The following ADGRD1 variants were observed in gnomAD, a reference collection of about 807,000 sequenced individuals.
ADGRD1 encodes G-protein coupled receptor 133.
Under a neutral mutation model 113.4 loss-of-function variants are expected in ADGRD1, and 77 were observed. That is an observed-to-expected ratio of 0.68 (90% confidence interval 0.57 to 0.82). The LOEUF (loss-of-function observed/expected upper bound fraction) is 0.82, where lower values mean the gene tolerates loss of function less well. Ranked by LOEUF, ADGRD1 falls within the 40% of genes least tolerant of loss-of-function variation. The probability of loss-of-function intolerance (pLI) is 0.00; values close to 1 mark genes in which losing one functional copy is unlikely to be tolerated. For missense variants in ADGRD1, 1,036 were observed against 1,139.1 expected, an observed-to-expected ratio of 0.91 and a Z score of 1.30; for synonymous variants, 474 against 475.0, an observed-to-expected ratio of 1.00 and a Z score of 0.03.
In ADGRD1 at chr12:131,003,757, G is replaced by A. The variant is rs1256932958; in HGVS notation, c.1145-429G>A. Among the ~76,000 whole-genome samples, 1 of 152,212 alleles carries A rather than the reference G, an allele frequency of 6.6e-6. No individual in the cohort carries two copies. Among genetic ancestry groups the A allele is most frequent in the East Asian group, 1.9e-4 (1 of 5,190 alleles). On this transcript the variant is annotated intron_variant, in intron 10 of 24. Coordinates refer to ENST00000261654, the MANE Select transcript of ADGRD1 (RefSeq NM_198827.5). The surrounding 1 kb of genome is among the most constrained non-coding windows in gnomAD (Gnocchi z 4.8). ...GAGTGCATTATCCTGCTGATACTTC[G>A]CTGCAAGAGCCGAGCTGGGGAAAAT...
chr12:131,018,459 G>T (rs897208399), intron 13 of ADGRD1, among the ~76,000 whole-genome samples: 6 of 151,986 alleles, frequency 3.9e-5, no homozygotes, highest in African/African-American at 1.5e-4. Flanking sequence ...CACCGAGAGG[G>T]TCCACCAGTG....
chr12:131,051,540 G>T (rs1275340318), intron 13 of ADGRD1, among the ~76,000 whole-genome samples: 1 of 151,416 alleles, frequency 6.6e-6, no homozygotes, highest in East Asian at 1.9e-4. Flanking sequence ...CTGGAGGGCA[G>T]TGGCGATATC....
rs989036421 is a variant in ADGRD1 at position 131,050,417 on chromosome 12, A to G, written c.1474-26384A>G. Among the ~76,000 whole-genome samples the G allele has an allele frequency of 3.9e-5, 6 of 152,132 alleles. No individual in the cohort carries two copies. Among genetic ancestry groups the G allele is most frequent in the Non-Finnish European group, 5.9e-5 (4 of 68,020 alleles). ...CCTGTGTGTTAGTCTGTTCATTGCT[A>G]TAAGAAATACCTGAGGCTGGGTAAT... is the stretch of plus-strand genomic sequence containing the variant. On this transcript the variant is annotated intron_variant, in intron 13 of 24. Transcript: ENST00000261654. This position sits in a 1 kb window ranked among gnomAD's most constrained non-coding sequence, Gnocchi z 4.8.
intron 20 of ADGRD1, among the ~76,000 whole-genome samples, chr12:131,130,420 G>A (rs1950884047): frequency 6.6e-6 from 1 of 152,196 alleles, no homozygotes; most frequent in African/African-American, 2.4e-5. Context: ...GGCAGGAGGG[G>A]GCGGCCCCAC....
intron 15 of ADGRD1, among the ~76,000 whole-genome samples, chr12:131,085,619 C>G (rs1197474947): frequency 6.6e-6 from 1 of 152,190 alleles, no homozygotes; most frequent in Admixed American, 6.5e-5. Flanking sequence ...GCTGCTGACA[C>G]TGCACACTGC....
At chr12:130,990,872 C>T (rs1001576691) in intron 6 of ADGRD1, 142 bp from the exon 7 acceptor site, 1 of 603,004 alleles carries the variant, frequency 1.7e-6, no homozygotes, top group East Asian at 3.0e-5. Context: ...CATAATTTAT[C>T]TCCAGCAACA....
rs1234110102 is a variant in ADGRD1, at chr12:130,954,757, G to C, written c.103+97G>C. On this transcript the variant is annotated intron_variant, in intron 2 of 24. Transcript: ENST00000261654. The surrounding 1 kb of genome is among the most constrained non-coding windows in gnomAD (Gnocchi z 4.7). ...ACTTGTTCATCTCTGAGGCATCAGC[G>C]AATGGCCCTTGTTGGGCTCCTGGTC... 8 of 1,204,232 alleles carry C rather than the reference G, an allele frequency of 6.6e-6. No homozygotes were observed. The East Asian group carries it at 1.9e-4, about 28-fold the overall frequency. The allele number at this position is 1,204,232 out of a possible 1,614,324, so 74.6% of individuals were successfully genotyped here.
rs1378924269 is a variant in ADGRD1, at chr12:130,987,304, GCT to G, written c.703_704del (p.Leu235AspfsTer4). On this transcript the variant is annotated frameshift_variant, in exon 6 of 25. Coordinates refer to ENST00000261654, the MANE Select transcript of ADGRD1 (RefSeq NM_198827.5). LOFTEE classifies it high-confidence loss of function. ...CGATGAGTTCATCATCTGGGAGCGGGCTCTGACTCCGGATGAGATCGCCATGT... is the reference window on the plus strand; with the variant it reads ...CGATGAGTTCATCATCTGGGAGCGGGCTGACTCCGGATGAGATCGCCATGT... ...AFDEFIIWER[A>X]LTPDEIAMYF... 1 of 1,614,078 alleles carries G rather than the reference GCT, an allele frequency of 6.2e-7. No homozygotes were observed. Among genetic ancestry groups the G allele is most frequent in the Non-Finnish European group, 8.5e-7 (1 of 1,180,050 alleles).
At chr12:131,056,991 C>T (rs1279126872) in intron 13 of ADGRD1, among the ~76,000 whole-genome samples, 5 of 151,956 alleles carry the variant, frequency 3.3e-5, no homozygotes, top group Non-Finnish European at 5.9e-5. Context: ...TGTTGACATT[C>T]GACAAATAGA....
At chr12:131,132,492 G>A (rs1428234181) in intron 21 of ADGRD1, among the ~76,000 whole-genome samples, 1 of 151,824 alleles carries the variant, frequency 6.6e-6, no homozygotes, top group East Asian at 1.9e-4. Flanking sequence ...GAGCTCAGAA[G>A]CCCTGGCGTT....
At chr12:131,043,538 G>T (rs1346871999) in intron 13 of ADGRD1, among the ~76,000 whole-genome samples, 1 of 152,246 alleles carries the variant, frequency 6.6e-6, no homozygotes, top group East Asian at 1.9e-4. Context: ...CTCCCCTGCA[G>T]GCTGCGTGTG....
At chr12:131,097,945 G>C (rs932608290) in intron 15 of ADGRD1, among the ~76,000 whole-genome samples, 12 of 152,330 alleles carry the variant, frequency 7.9e-5, no homozygotes, top group African/African-American at 2.9e-4. Flanking sequence ...TGCTGCTGGG[G>C]TGGGCGAAGG....
At chr12:130,956,762 C>G (rs76698648) in intron 2 of ADGRD1, 137 of 151,390 alleles carry the variant, frequency 9.0e-4, no homozygotes, top group African/African-American at 3.3e-3. Flanking sequence ...AGAGCCCACA[C>G]GCATTCTCAC....
At chr12:131,072,652 T>C (rs905922531) in intron 13 of ADGRD1, among the ~76,000 whole-genome samples, 2 of 152,196 alleles carry the variant, frequency 1.3e-5, no homozygotes, top group African/African-American at 4.8e-5. Flanking sequence ...ACTTATTCCA[T>C]TGAAAGGACA....
At chr12:130,958,876 A>C (rs1317865342) in intron 2 of ADGRD1, among the ~76,000 whole-genome samples, 1 of 148,814 alleles carries the variant, frequency 6.7e-6, no homozygotes, top group Non-Finnish European at 1.5e-5. Flanking sequence ...TCCTTGCGAG[A>C]GCCCTGCGGT....
chr12:131,126,488 C>G (rs1326994628), intron 20 of ADGRD1, among the ~76,000 whole-genome samples: 2 of 152,158 alleles, frequency 1.3e-5, no homozygotes, highest in African/African-American at 4.8e-5. Flanking sequence ...TGTAAACTAG[C>G]TATTTGTATG....
intron 15 of ADGRD1, among the ~76,000 whole-genome samples, chr12:131,093,002 C>T (rs1335229997): frequency 7.2e-5 from 11 of 151,974 alleles, no homozygotes; most frequent in Admixed American, 7.2e-4. Flanking sequence ...GGGCGAGGTC[C>T]CCAGGGCCCC....
At position 130,978,625 on chromosome 12, in the gene ADGRD1, T is replaced by C. The variant is rs1872599567; in HGVS notation, c.311-3259T>C. 3 of 152,116 alleles carry C rather than the reference T, an allele frequency of 2.0e-5. No individual in the cohort carries two copies. In the South Asian group the frequency reaches 6.2e-4, roughly 32 times the overall value. 9.4% of individuals were successfully genotyped at this position (152,116 alleles called of 1,614,324 possible). On this transcript the variant is annotated intron_variant, in intron 4 of 24. Coordinates refer to ENST00000261654, the MANE Select transcript of ADGRD1 (RefSeq NM_198827.5). ...TGCTCAGGTAGAAGTCATTGTTTTG[T>C]GCGTTGAGTTAACTAAATGAAAAGC...
At chr12:131,088,705 T>C (rs1251407171) in intron 15 of ADGRD1, among the ~76,000 whole-genome samples, 1 of 151,940 alleles carries the variant, frequency 6.6e-6, no homozygotes, top group Non-Finnish European at 1.5e-5. Flanking sequence ...CGGAGGCTGC[T>C]GCGGTGACTC....
Sources: allele counts gnomAD v4.1 joint callset (sites outside exome capture counted in the v4.1 genomes callset), GRCh38; gene constraint gnomAD v4.1.1; non-coding constraint Gnocchi (gnomAD v3.1); transcripts MANE v1.5; gene names NCBI Gene and HGNC (gene_info 2026-07-23, HGNC 2026-07-21).